DCC: variants seen among roughly 807,000 people sequenced by gnomAD.
The protein encoded by DCC is DCC netrin 1 receptor.
DCC carries 58 observed loss-of-function variants against 172.5 expected under a neutral mutation model. That is an observed-to-expected ratio of 0.34 (90% CI 0.27 to 0.42). The LOEUF is 0.42. Ranked by LOEUF, DCC falls within the 10% of genes least tolerant of loss-of-function variation. DCC has a pLI of 1.00. For missense variants in DCC, 1,740 were observed against 1,791.0 expected (o/e 0.97, Z 0.51); for synonymous variants, 709 against 644.5 (o/e 1.10, Z -1.52).
chr18:53,360,161 G>T (rs549649396), intron 15 of DCC, among the ~76,000 whole-genome samples: 51 of 152,168 alleles, frequency 3.4e-4, no homozygotes, highest in Non-Finnish European at 6.9e-4. Flanking sequence ...ATTAGGTATT[G>T]TGTGTTTGTG....
chr18:52,870,149 C>G (rs961391421), intron 2 of DCC, among the ~76,000 whole-genome samples: 4 of 152,304 alleles, frequency 2.6e-5, no homozygotes, highest in East Asian at 1.9e-4. Context: ...GAGTGCTGCA[C>G]GAGCTGCGGC....
Position 53,435,106 on chromosome 18 carries a change from T to C in DCC, c.3164-38T>C. On this transcript the variant is annotated intron_variant, in intron 21 of 28. Coordinates refer to ENST00000442544, the MANE Select transcript of DCC (RefSeq NM_005215.4). ...TTCTTTTTGTCTTCATTTTGTTTCATTTGTACTGACATTGTGACATGCTCT... is the reference window on the plus strand; with the variant it reads ...TTCTTTTTGTCTTCATTTTGTTTCACTTGTACTGACATTGTGACATGCTCT... 3 of 1,462,910 alleles carry C rather than the reference T, an allele frequency of 2.1e-6. No homozygotes were observed. In the East Asian group the frequency reaches 6.8e-5, roughly 33 times the overall value. 90.6% of individuals were successfully genotyped at this position (1,462,910 alleles called of 1,614,324 possible).
chr18:52,528,028 T>G (rs1173268272), intron 1 of DCC, among the ~76,000 whole-genome samples: 1 of 152,212 alleles, frequency 6.6e-6, no homozygotes. Context: ...TCTAAAATAT[T>G]CTTGTTGCCC....
chr18:53,469,301 A>G (rs932171490), intron 25 of DCC, among the ~76,000 whole-genome samples: 1 of 152,218 alleles, frequency 6.6e-6, no homozygotes, highest in Non-Finnish European at 1.5e-5. Context: ...AGCTAAATGT[A>G]TCTGGAGAAA....
At chr18:52,811,293 T>G (rs2038193586) in intron 2 of DCC, among the ~76,000 whole-genome samples, 1 of 152,178 alleles carries the variant, frequency 6.6e-6, no homozygotes, top group Admixed American at 6.5e-5. Flanking sequence ...TTTGGTGGTA[T>G]TATGTAATGA....
At chr18:52,882,326 C>T (rs943970784) in intron 2 of DCC, among the ~76,000 whole-genome samples, 4 of 151,840 alleles carry the variant, frequency 2.6e-5, no homozygotes, top group African/African-American at 9.7e-5. Flanking sequence ...CATCTGGAAA[C>T]AATTTTGGTT....
chr18:53,507,787 T>C (rs1431180597), intron 27 of DCC, among the ~76,000 whole-genome samples: 1 of 152,202 alleles, frequency 6.6e-6, no homozygotes, highest in Non-Finnish European at 1.5e-5. Context: ...CAAAGTGCTC[T>C]TCTAAAACAT....
intron 7 of DCC, among the ~76,000 whole-genome samples, chr18:53,082,676 T>G (rs1466675310): frequency 2.0e-5 from 3 of 152,174 alleles, no homozygotes; most frequent in Non-Finnish European, 2.9e-5. Flanking sequence ...TACTAGCTCT[T>G]GTTTACTAAA....
chr18:53,109,854 A>C (rs557407894), intron 7 of DCC, among the ~76,000 whole-genome samples: 2 of 151,656 alleles, frequency 1.3e-5, no homozygotes, highest in African/African-American at 4.8e-5. Context: ...CTACCATTAC[A>C]GGAAGCAGAA....
At chr18:53,009,378 C>A (rs1004493055) in intron 5 of DCC, among the ~76,000 whole-genome samples, 1 of 151,878 alleles carries the variant, frequency 6.6e-6, no homozygotes, top group African/African-American at 2.4e-5. Context: ...TTTTCCCTGG[C>A]ATTACCATTG....
At chr18:52,485,803 T>C (rs998880579) in intron 1 of DCC, among the ~76,000 whole-genome samples, 5 of 152,142 alleles carry the variant, frequency 3.3e-5, no homozygotes, top group Non-Finnish European at 7.4e-5. Flanking sequence ...CAACCTCTTT[T>C]AAATTCAAAG....
intron 2 of DCC, among the ~76,000 whole-genome samples, chr18:52,830,861 A>G (rs2038601425): frequency 6.6e-6 from 1 of 152,142 alleles, no homozygotes; most frequent in African/African-American, 2.4e-5. Context: ...TCAGTGAGCA[A>G]AGGAGACTAA....
intron 16 of DCC, 53 bp from the exon 17 acceptor site, chr18:53,391,602 C>T (rs1221590228): frequency 1.7e-6 from 2 of 1,185,974 alleles, no homozygotes; most frequent in South Asian, 1.2e-5. Flanking sequence ...TTTTTTAACG[C>T]TTTTATTTAC....
chr18:52,688,196 T>C (rs2035872657), intron 1 of DCC, among the ~76,000 whole-genome samples: 1 of 152,078 alleles, frequency 6.6e-6, no homozygotes, highest in Non-Finnish European at 1.5e-5. Context: ...ACTTCCAATT[T>C]TTCCTAAATA....
intron 1 of DCC, among the ~76,000 whole-genome samples, chr18:52,455,044 T>C (rs1176053528): frequency 6.6e-6 from 1 of 152,212 alleles, no homozygotes; most frequent in Non-Finnish European, 1.5e-5. Context: ...AACTATATAT[T>C]ATGAATTTAA....
chr18:52,786,145 T>C (rs183440541), intron 2 of DCC, among the ~76,000 whole-genome samples: 1 of 152,208 alleles, frequency 6.6e-6, no homozygotes, highest in Admixed American at 6.5e-5. Context: ...AGAATTTATC[T>C]TTGGGGGTCT....
Position 52,830,636 on chromosome 18 carries a change from C to T in DCC, c.413-75408C>T, listed in dbSNP as rs529023726. Among the ~76,000 whole-genome samples the T allele has an allele frequency of 4.6e-5, 7 of 152,258 alleles. No individual in the cohort carries two copies. In the East Asian group the frequency reaches 1.4e-3, roughly 29 times the overall value. ...TGATCTTCTACTCTTGAATTAGTCA[C>T]TCATTTATAGATATAATTGTTGACT... is the stretch of plus-strand genomic sequence containing the variant. On this transcript the variant is annotated intron_variant, in intron 2 of 28. Coordinates refer to ENST00000442544, the MANE Select transcript of DCC (RefSeq NM_005215.4).
chr18:53,367,744 A>G (rs2058021709), intron 15 of DCC, among the ~76,000 whole-genome samples: 1 of 152,102 alleles, frequency 6.6e-6, no homozygotes, highest in Non-Finnish European at 1.5e-5. Context: ...TGACTACTCT[A>G]TACATCACAT....
At chr18:52,760,614 C>A (rs939741627) in intron 2 of DCC, among the ~76,000 whole-genome samples, 3 of 152,136 alleles carry the variant, frequency 2.0e-5, no homozygotes, top group Non-Finnish European at 4.4e-5. Context: ...CACAGTTATA[C>A]AATTCTGATG....
Sources: gnomAD v4.1 joint callset for allele counts (sites outside exome capture counted in the v4.1 genomes callset) on GRCh38, gnomAD v4.1.1 for gene constraint, MANE v1.5 for transcripts, NCBI Gene and HGNC (gene_info 2026-07-23, HGNC 2026-07-21) for gene names.